PSMD14: variants seen among roughly 807,000 people sequenced by gnomAD.
The protein encoded by PSMD14 is proteasome 26S subunit, non-ATPase 14, also known as ubiquitin C-terminal hydrolase PSMD14.
In PSMD14, 7 loss-of-function variants were observed where a neutral mutation model predicts 41.2. The observed-to-expected ratio is 0.17, with a 90% CI of 0.10 to 0.32. PSMD14 has a LOEUF of 0.32. Among genes scored for constraint, PSMD14 ranks in the 10% least tolerant of loss-of-function variants. The pLI is 1.00. For missense variants in PSMD14, 139 were observed against 375.6 expected, an observed-to-expected ratio of 0.37 and a Z score of 5.21; for synonymous variants, 114 against 122.3, an observed-to-expected ratio of 0.93 and a Z score of 0.45.
chr2:161,363,007 T>C (rs1288268789), intron 3 of PSMD14, among the ~76,000 whole-genome samples: 1 of 152,242 alleles, frequency 6.6e-6, no homozygotes, highest in Non-Finnish European at 1.5e-5. Flanking sequence ...TGTCCTCATA[T>C]GAGTCTGTGA....
At chr2:161,356,301 A>G (rs191035316) in intron 3 of PSMD14, among the ~76,000 whole-genome samples, 75 of 152,312 alleles carry the variant, frequency 4.9e-4, no homozygotes, top group Non-Finnish European at 9.6e-4. Flanking sequence ...GAAATAGTTT[A>G]CATGCAGCTT....
At chr2:161,341,069 A>C in intron 3 of PSMD14, 1 of 1,550,396 alleles carries the variant, frequency 6.4e-7, no homozygotes, top group Non-Finnish European at 8.7e-7. Context: ...CCGGTCCCGC[A>C]GGCTCCCCGA....
chr2:161,369,773 A>G (rs1402776988), intron 5 of PSMD14, among the ~76,000 whole-genome samples: 1 of 152,052 alleles, frequency 6.6e-6, no homozygotes, highest in Admixed American at 6.6e-5. Flanking sequence ...TTATGATAGG[A>G]TGGCATTAGG....
intron 3 of PSMD14, among the ~76,000 whole-genome samples, chr2:161,350,307 C>T (rs1218270863): frequency 6.6e-6 from 1 of 152,078 alleles, no homozygotes; most frequent in Non-Finnish European, 1.5e-5. Context: ...CTGGGATGTA[C>T]TTAGTAAAAA....
At chr2:161,369,301 CAG>C (rs757028610) in intron 5 of PSMD14, among the ~76,000 whole-genome samples, 1 of 151,966 alleles carries the variant, frequency 6.6e-6, no homozygotes, top group Non-Finnish European at 1.5e-5. Flanking sequence ...CTTCTGACCC[CAG>C]AGTCAGTAAA....
intron 1 of PSMD14, among the ~76,000 whole-genome samples, chr2:161,310,865 G>A (rs1689079398): frequency 6.6e-6 from 1 of 152,092 alleles, no homozygotes; most frequent in African/African-American, 2.4e-5. Context: ...TTTTTTATGG[G>A]TTTGTGTCAA....
At chr2:161,409,111 G>A (rs931254403) in intron 11 of PSMD14, among the ~76,000 whole-genome samples, 2 of 151,932 alleles carry the variant, frequency 1.3e-5, no homozygotes, top group Non-Finnish European at 2.9e-5. Flanking sequence ...AGATATTATC[G>A]TCAGTGAAAA....
chr2:161,383,396 A>G (rs1270131275), intron 7 of PSMD14: 1 of 152,172 alleles, frequency 6.6e-6, no homozygotes, highest in African/African-American at 2.4e-5. Flanking sequence ...CAATGAAAGC[A>G]TCTCATTTTA....
At chr2:161,408,811 C>T in intron 10 of PSMD14, 26 bp from the exon 11 acceptor site, 2 of 1,556,398 alleles carry the variant, frequency 1.3e-6, no homozygotes, top group South Asian at 1.1e-5. Flanking sequence ...TAATTTTAAA[C>T]TCTGTCCTTT....
intron 8 of PSMD14, among the ~76,000 whole-genome samples, chr2:161,390,427 T>C (rs1396767291): frequency 6.6e-6 from 1 of 152,146 alleles, no homozygotes; most frequent in Non-Finnish European, 1.5e-5. Context: ...ATGGGGGCAG[T>C]TGTGAATTGA....
At chr2:161,342,294 A>C (rs1444183051) in intron 3 of PSMD14, among the ~76,000 whole-genome samples, 1 of 152,188 alleles carries the variant, frequency 6.6e-6, no homozygotes, top group South Asian at 2.1e-4. Context: ...ACTCTTTATC[A>C]GGTTGAAGAA....
At chr2:161,342,333 CT>C (rs34424898) in intron 3 of PSMD14, among the ~76,000 whole-genome samples, 129 of 146,926 alleles carry the variant, frequency 8.8e-4, no homozygotes, top group Admixed American at 1.0e-3. Context: ...TTTGTTGAGA[CT>C]TTTTTTTTTT....
At chr2:161,322,765 A>G (rs1043552693) in intron 3 of PSMD14, among the ~76,000 whole-genome samples, 1 of 151,848 alleles carries the variant, frequency 6.6e-6, no homozygotes, top group African/African-American at 2.4e-5. Context: ...GTTGATACTG[A>G]TATTTCATTG....
At chr2:161,401,749 T>G (rs1271849546) in intron 10 of PSMD14, among the ~76,000 whole-genome samples, 2 of 150,928 alleles carry the variant, frequency 1.3e-5, no homozygotes, top group Non-Finnish European at 2.9e-5. Flanking sequence ...CTATGTTGTT[T>G]AGGGCCACTT....
chr2:161,387,699 G>A (rs1321824299), intron 8 of PSMD14, among the ~76,000 whole-genome samples: 1 of 151,870 alleles, frequency 6.6e-6, no homozygotes, highest in Non-Finnish European at 1.5e-5. Context: ...TTTATACCAG[G>A]ATATTAGCAT....
chr2:161,336,562 ATTATTTAT>A (rs938792533), intron 3 of PSMD14, among the ~76,000 whole-genome samples: 2 of 151,972 alleles, frequency 1.3e-5, no homozygotes, highest in South Asian at 2.1e-4. Flanking sequence ...AGTTATATTT[ATTATTTAT>A]TTATTTATTT....
intron 10 of PSMD14, among the ~76,000 whole-genome samples, chr2:161,397,123 C>T (rs1376240863): frequency 2.0e-5 from 3 of 152,140 alleles, no homozygotes; most frequent in Admixed American, 1.3e-4. Flanking sequence ...AGCCACCGTG[C>T]CTGGCCTAAG....
chr2:161,375,020 G>A (rs1032022426), intron 7 of PSMD14, among the ~76,000 whole-genome samples: 9 of 152,084 alleles, frequency 5.9e-5, no homozygotes, highest in Admixed American at 5.9e-4. Flanking sequence ...ATGTCCAAAT[G>A]TGTCTTCCAC....
intron 3 of PSMD14, among the ~76,000 whole-genome samples, chr2:161,331,084 A>T (rs1319139011): frequency 3.3e-5 from 5 of 152,238 alleles, no homozygotes. Context: ...ACTACCTAGT[A>T]GAATACATTT....
Sources: gnomAD v4.1 joint callset for allele counts (sites outside exome capture counted in the v4.1 genomes callset) on GRCh38, gnomAD v4.1.1 for gene constraint, MANE v1.5 for transcripts, NCBI Gene and HGNC (gene_info 2026-07-23, HGNC 2026-07-21) for gene names.